Variants in APBB2 observed in about 807,000 individuals in gnomAD.
The protein encoded by APBB2 is Fe65-like 1.
A neutral mutation model predicts 82.5 loss-of-function variants in APBB2; 38 were observed. The observed-to-expected ratio is 0.46, with a 90% confidence interval of 0.36 to 0.60. The LOEUF is 0.60. Among genes scored for constraint, APBB2 ranks in the 20% least tolerant of loss-of-function variants. The pLI is 0.00. For synonymous variants in APBB2, 341 were observed against 368.2 expected, an observed-to-expected ratio of 0.93 and a Z score of 0.85; for missense variants, 772 against 972.3, an observed-to-expected ratio of 0.79 and a Z score of 2.74.
chr4:40,861,126 G>A (rs1337355915), intron 12 of APBB2, among the ~76,000 whole-genome samples: 7 of 152,102 alleles, frequency 4.6e-5, no homozygotes, highest in South Asian at 2.1e-4. Flanking sequence ...CGAGGTGGGC[G>A]GATCACTTGA....
In APBB2 at chr4:40,810,901, A is replaced by G. The variant is rs903836872; in HGVS notation, c.*5191T>C. The G allele has an allele frequency of 2.0e-5, 3 of 152,222 alleles. No homozygotes were observed. Among genetic ancestry groups the G allele is most frequent in the African/African-American group, 7.2e-5 (3 of 41,460 alleles). 9.4% of individuals were successfully genotyped at this position (152,222 alleles called of 1,614,324 possible). A position where few individuals can be genotyped will look rare whatever the true frequency, so the allele number is the denominator to read the frequency against. ...AGTAAAGAATCCCATTGTGTATCAT[A>G]AGAATCCCTTATCCTTTTCGGGCCC... On this transcript the variant is annotated 3_prime_UTR_variant, in exon 18 of 18. Transcript: ENST00000508593.
chr4:41,171,202 G>C (rs1768143113), intron 1 of APBB2, among the ~76,000 whole-genome samples: 1 of 152,184 alleles, frequency 6.6e-6, no homozygotes. Flanking sequence ...ACAAGAATCT[G>C]CTCCCCAGAG....
chr4:40,938,948 T>C (rs568884633), intron 7 of APBB2, among the ~76,000 whole-genome samples: 2 of 152,278 alleles, frequency 1.3e-5, no homozygotes. Context: ...CACCCATGGA[T>C]TCATGGGTTA....
At chr4:40,950,630 G>A (rs975712398) in intron 6 of APBB2, among the ~76,000 whole-genome samples, 1 of 152,088 alleles carries the variant, frequency 6.6e-6, no homozygotes, top group Admixed American at 6.6e-5. Context: ...GATGGATCAC[G>A]AGGTCAGGGA....
At chr4:41,203,217 C>T (rs1459542294) in intron 1 of APBB2, among the ~76,000 whole-genome samples, 1 of 152,030 alleles carries the variant, frequency 6.6e-6, no homozygotes, top group Non-Finnish European at 1.5e-5. Flanking sequence ...TATACACACA[C>T]ACACGTGTAC....
chr4:41,077,825 C>T (rs1354149580), intron 3 of APBB2, among the ~76,000 whole-genome samples: 2 of 152,258 alleles, frequency 1.3e-5, no homozygotes, highest in South Asian at 2.1e-4. Context: ...AGGACAAATT[C>T]CAGGTCAACA....
At chr4:40,878,707 T>C (rs1320062156) in intron 12 of APBB2, among the ~76,000 whole-genome samples, 1 of 152,218 alleles carries the variant, frequency 6.6e-6, no homozygotes. Context: ...CACACTCTTC[T>C]AGATGAGTGA....
chr4:41,001,299 C>A (rs1164404765), intron 6 of APBB2, among the ~76,000 whole-genome samples: 1 of 152,158 alleles, frequency 6.6e-6, no homozygotes, highest in Non-Finnish European at 1.5e-5. Context: ...ATGGGCAAAC[C>A]ACCTTGTATA....
chr4:41,205,885 G>A (rs1362202767), intron 1 of APBB2, among the ~76,000 whole-genome samples: 1 of 152,134 alleles, frequency 6.6e-6, no homozygotes, highest in East Asian at 1.9e-4. Context: ...GTACAATTCT[G>A]TTGCCCTTTG....
chr4:40,978,937 A>T (rs988919680), intron 6 of APBB2, among the ~76,000 whole-genome samples: 13 of 144,520 alleles, frequency 9.0e-5, no homozygotes, highest in East Asian at 6.4e-4. Flanking sequence ...TTTTTTTTTT[A>T]AAAGAAAACT....
At chr4:40,943,591 G>A (rs137898690) in intron 7 of APBB2, among the ~76,000 whole-genome samples, 2 of 152,306 alleles carry the variant, frequency 1.3e-5, no homozygotes, top group South Asian at 2.1e-4. Context: ...GGGCTGAGAC[G>A]GTGTTGGTTC....
intron 1 of APBB2, among the ~76,000 whole-genome samples, chr4:41,160,984 A>C (rs543849211): frequency 5.3e-5 from 8 of 152,238 alleles, no homozygotes; most frequent in Non-Finnish European, 1.0e-4. Flanking sequence ...CTTGTGGTTA[A>C]GCTGAGATGT....
intron 6 of APBB2, among the ~76,000 whole-genome samples, chr4:40,955,699 G>A (rs1791429721): frequency 6.6e-6 from 1 of 152,120 alleles, no homozygotes. Flanking sequence ...GACTGCTGGA[G>A]GCCAACAGCT....
chr4:40,912,645 GTGGAAATTCCCC>G (rs1463367307), intron 10 of APBB2, among the ~76,000 whole-genome samples: 3 of 151,864 alleles, frequency 2.0e-5, no homozygotes, highest in Non-Finnish European at 4.4e-5. Flanking sequence ...GAGAGTGACT[GTGGAAATTCCCC>G]TGGAGGAACA....
At chr4:40,961,426 T>A (rs1270201574) in intron 6 of APBB2, among the ~76,000 whole-genome samples, 3 of 132,380 alleles carry the variant, frequency 2.3e-5, no homozygotes, top group African/African-American at 8.7e-5. Context: ...TTCTCACTCA[T>A]AGGTGGGAAT....
chr4:40,849,970 C>T (rs1425939516), intron 12 of APBB2, among the ~76,000 whole-genome samples: 1 of 152,094 alleles, frequency 6.6e-6, no homozygotes, highest in East Asian at 1.9e-4. Flanking sequence ...GTGATTCGCC[C>T]GCCTCGGCCT....
At chr4:40,864,918 G>C (rs116621730) in intron 12 of APBB2, among the ~76,000 whole-genome samples, 2,116 of 147,214 alleles carry the variant, frequency 0.014, 51 homozygotes, top group African/African-American at 0.051. Flanking sequence ...GAGGGTAGTA[G>C]TGCAATCTTG....
At chr4:41,141,314 C>G (rs75142766) in intron 2 of APBB2, among the ~76,000 whole-genome samples, 50 of 27,654 alleles carry the variant, frequency 1.8e-3, no homozygotes, top group South Asian at 7.9e-3. Context: ...ATGTGTGTGT[C>G]TGTGTGTGTG....
Position 41,091,515 on chromosome 4 carries a change from C to T in APBB2, c.-149+9124G>A, listed in dbSNP as rs143866300. On this transcript the variant is annotated intron_variant, in intron 3 of 17. Transcript: ENST00000508593. ...AGCTCTCCCAAACAAGACACTGTGG[C>T]CTTTTAGGGGAGCAACATATCATAT... Among the ~76,000 whole-genome samples the T allele has an allele frequency of 3.7e-3, 569 of 152,232 alleles. 2 individuals carry two copies. Among genetic ancestry groups the T allele is most frequent in the African/African-American group, 0.013 (538 of 41,542 alleles).
Sources: gnomAD v4.1 joint callset for allele counts (sites outside exome capture counted in the v4.1 genomes callset) on GRCh38, gnomAD v4.1.1 for gene constraint, MANE v1.5 for transcripts, NCBI Gene and HGNC (gene_info 2026-07-23, HGNC 2026-07-21) for gene names.